Variants in KALRN observed in about 807,000 individuals in gnomAD.
The protein encoded by KALRN is kalirin.
KALRN carries 70 observed loss-of-function variants against 353.7 expected under a neutral mutation model. The ratio of observed to expected loss-of-function variants is 0.20; its 90% CI spans 0.16 to 0.24. The LOEUF (loss-of-function observed/expected upper bound fraction) is 0.24, where lower values mean the gene tolerates loss of function less well. Ranked by LOEUF, KALRN falls within the 10% of genes least tolerant of loss-of-function variation. The pLI is 1.00. For synonymous variants in KALRN, 1,391 were observed against 1,434.8 expected, an observed-to-expected ratio of 0.97 and a Z score of 0.69; for missense variants, 2,791 against 3,756.7, an observed-to-expected ratio of 0.74 and a Z score of 6.72.
intron 33 of KALRN, among the ~76,000 whole-genome samples, chr3:124,497,605 T>G (rs913941000): frequency 6.6e-6 from 1 of 152,218 alleles, no homozygotes; most frequent in African/African-American, 2.4e-5. Flanking sequence ...TTTAAGCCAT[T>G]TTCTACTGAC....
intron 38 of KALRN, among the ~76,000 whole-genome samples, chr3:124,652,865 C>T (rs2083572595): frequency 6.6e-6 from 1 of 152,158 alleles, no homozygotes; most frequent in African/African-American, 2.4e-5. Context: ...GCGTGAGCCA[C>T]CGCACCCAGC....
At chr3:124,446,662 G>A in intron 20 of KALRN, 101 bp from the exon 21 acceptor site, 2 of 1,418,712 alleles carry the variant, frequency 1.4e-6, no homozygotes, top group South Asian at 1.3e-5. Flanking sequence ...TGTTTCCTGG[G>A]TCCATTAAGT....
chr3:124,456,636 T>G lies in KALRN; in HGVS notation c.3762T>G (p.Ile1254Met), dbSNP rs1400192975. Residue 1254 changes from isoleucine to methionine, a missense_variant, in exon 23 of 60, where the codon ATT becomes ATG. Transcript: ENST00000682506. ...TEDNKDLELD[I>M]IPASLSDREV... ...ATAATAAGGACCTGGAGCTGGATATTATCCCAGCAAGCCTTTCGGATCGGG... is the reference window on the plus strand; with the variant it reads ...ATAATAAGGACCTGGAGCTGGATATGATCCCAGCAAGCCTTTCGGATCGGG... The G allele has an allele frequency of 1.2e-6, 2 of 1,612,780 alleles. No individual in the cohort carries two copies. Among genetic ancestry groups the G allele is most frequent in the Non-Finnish European group, 1.7e-6 (2 of 1,179,104 alleles).
At chr3:124,391,042 T>C (rs2089291941) in intron 11 of KALRN, among the ~76,000 whole-genome samples, 1 of 152,186 alleles carries the variant, frequency 6.6e-6, no homozygotes, top group Non-Finnish European at 1.5e-5. Context: ...AATTCTCAAA[T>C]TGGACCCATT....
chr3:124,042,378 A>G (rs1284747526), intron 1 of KALRN, among the ~76,000 whole-genome samples: 1 of 152,222 alleles, frequency 6.6e-6, no homozygotes, highest in Non-Finnish European at 1.5e-5. Context: ...GCCACTAAAA[A>G]TGACATGATC....
intron 27 of KALRN, among the ~76,000 whole-genome samples, chr3:124,478,194 C>T (rs1282146824): frequency 2.6e-5 from 4 of 152,174 alleles, no homozygotes; most frequent in Non-Finnish European, 5.9e-5. Flanking sequence ...CAGACTATAG[C>T]AGTGATGGCT....
chr3:124,337,568 C>T (rs1034554339), intron 9 of KALRN, among the ~76,000 whole-genome samples: 8 of 152,100 alleles, frequency 5.3e-5, no homozygotes, highest in Non-Finnish European at 8.8e-5. Flanking sequence ...AGGATTTTTG[C>T]GTCAATGTTC....
intron 1 of KALRN, among the ~76,000 whole-genome samples, chr3:124,140,708 C>A (rs2066508756): frequency 6.6e-6 from 1 of 152,038 alleles, no homozygotes; most frequent in Non-Finnish European, 1.5e-5. Context: ...TAAGTGTTGG[C>A]CCTGAGAGTC....
chr3:124,527,437 G>A (rs1194896382), intron 33 of KALRN, among the ~76,000 whole-genome samples: 5 of 151,764 alleles, frequency 3.3e-5, no homozygotes, highest in East Asian at 1.9e-4. Context: ...GTGAAACCCC[G>A]TCTCTACTAA....
At chr3:124,595,669 CT>C (rs1276960499) in intron 34 of KALRN, among the ~76,000 whole-genome samples, 1 of 152,128 alleles carries the variant, frequency 6.6e-6, no homozygotes, top group African/African-American at 2.4e-5. Flanking sequence ...ATTACAAGAA[CT>C]TGTTACCAAG....
intron 1 of KALRN, among the ~76,000 whole-genome samples, chr3:124,214,147 T>TATATA (rs2077119588): frequency 6.6e-6 from 1 of 152,068 alleles, no homozygotes; most frequent in Admixed American, 6.6e-5. Flanking sequence ...TATATATGTA[T>TATATA]ATATATATGG....
intron 1 of KALRN, among the ~76,000 whole-genome samples, chr3:124,113,174 A>G (rs140140293): frequency 1.7e-3 from 261 of 152,322 alleles, no homozygotes; most frequent in Non-Finnish European, 2.7e-3. Flanking sequence ...ACCACTTACT[A>G]TTGTGTGACA....
At chr3:124,439,092 C>T in intron 18 of KALRN, 55 bp downstream of exon 18, 2 of 1,517,410 alleles carry the variant, frequency 1.3e-6, no homozygotes, top group East Asian at 4.6e-5. Flanking sequence ...CCGCCTTGTT[C>T]TTTCATCCTC....
At chr3:124,555,133 C>T (rs2071058153) in intron 33 of KALRN, among the ~76,000 whole-genome samples, 1 of 152,146 alleles carries the variant, frequency 6.6e-6, no homozygotes, top group South Asian at 2.1e-4. Flanking sequence ...CTCCCTGGGG[C>T]TGTCTGAGGG....
At chr3:124,505,424 G>A (rs886169339) in intron 33 of KALRN, among the ~76,000 whole-genome samples, 1 of 152,134 alleles carries the variant, frequency 6.6e-6, no homozygotes, top group African/African-American at 2.4e-5. Flanking sequence ...GAGTCTAGGA[G>A]CTCAAGACCA....
intron 25 of KALRN, among the ~76,000 whole-genome samples, chr3:124,473,440 G>T (rs1434153700): frequency 6.6e-6 from 1 of 152,172 alleles, no homozygotes; most frequent in East Asian, 1.9e-4. Flanking sequence ...TCCTTCACCT[G>T]CTTCCCTGTG....
rs747087120 is a variant in KALRN at position 124,227,663 on chromosome 3, G to GTTTTTTTTTTTTTTTTTT, written c.74-302_74-285dup. Among the ~76,000 whole-genome samples, 2 of 69,228 alleles carry GTTTTTTTTTTTTTTTTTT rather than the reference G, an allele frequency of 2.9e-5. 1 individual carries two copies. Among genetic ancestry groups the GTTTTTTTTTTTTTTTTTT allele is most frequent in the Non-Finnish European group, 5.8e-5 (2 of 34,492 alleles). 45.4% of individuals were successfully genotyped at this position (69,228 alleles called of 152,430 possible). A position where few individuals can be genotyped will look rare whatever the true frequency, so the allele number is the denominator to read the frequency against. On this transcript the variant is annotated intron_variant, in intron 1 of 59. Transcript: ENST00000682506. ...CAAGTTGCTCAATAGCAACAGGGCT[G>GTTTTTTTTTTTTTTTTTT]TTTTTTTTTTTTTTTTTTTTTTTTT...
At chr3:124,275,369 G>C (rs750870572) in intron 5 of KALRN, among the ~76,000 whole-genome samples, 1 of 151,992 alleles carries the variant, frequency 6.6e-6, no homozygotes, top group Non-Finnish European at 1.5e-5. Flanking sequence ...AATACTTTTT[G>C]CTTTTGTGCT....
intron 33 of KALRN, among the ~76,000 whole-genome samples, chr3:124,506,947 C>T (rs980457826): frequency 1.3e-5 from 2 of 152,140 alleles, no homozygotes; most frequent in African/African-American, 2.4e-5. Flanking sequence ...CTACCATGTG[C>T]CAGGCACTAT....
Sources: allele counts gnomAD v4.1 joint callset (sites outside exome capture counted in the v4.1 genomes callset), GRCh38; gene constraint gnomAD v4.1.1; transcripts MANE v1.5; gene names NCBI Gene and HGNC (gene_info 2026-07-23, HGNC 2026-07-21).